DNAI7: variants seen among roughly 807,000 people sequenced by gnomAD.
DNAI7 encodes the protein dynein axonemal intermediate chain 7.
A neutral mutation model predicts 86.6 loss-of-function variants in DNAI7; 78 were observed. The observed-to-expected ratio is 0.90, with a 90% CI of 0.75 to 1.09. DNAI7 has a LOEUF of 1.09. Ranked by LOEUF, DNAI7 falls within the 50% of genes least tolerant of loss-of-function variation. The pLI is 0.00. For missense variants in DNAI7, 753 were observed against 810.2 expected (o/e 0.93, Z 0.86); for synonymous variants, 274 against 273.0 (o/e 1.00, Z -0.04).
intron 2 of DNAI7, among the ~76,000 whole-genome samples, chr12:25,174,749 C>CATATATATATGGAATATATATATCAT (rs1948771539): frequency 1.4e-5 from 2 of 138,670 alleles, no homozygotes; most frequent in Admixed American, 1.5e-4. Flanking sequence ...ATATATATAT[C>CATATATATATGGAATATATATATCAT]ATATATATAT....
chr12:25,108,954 G>A (rs1949522384), intron 15 of DNAI7, 131 bp from the exon 16 acceptor site: 6 of 569,826 alleles, frequency 1.1e-5, no homozygotes, highest in East Asian at 3.0e-5. Context: ...CAGTCTATGT[G>A]TTCCATTACT....
intron 9 of DNAI7, among the ~76,000 whole-genome samples, chr12:25,137,009 A>T (rs181422531): frequency 1.6e-4 from 24 of 152,336 alleles, no homozygotes; most frequent in Admixed American, 1.4e-3. Context: ...AATCAAGGAA[A>T]ACTTCCCTGG....
At chr12:25,194,926 G>A (rs972114617) in intron 1 of DNAI7, 150 bp downstream of exon 1, 4 of 1,614,078 alleles carry the variant, frequency 2.5e-6, no homozygotes, top group Admixed American at 3.3e-5. Flanking sequence ...TTGCTGAGAA[G>A]AGGGCCGACC....
chr12:25,135,143 CTG>C (rs1370647768), intron 9 of DNAI7, among the ~76,000 whole-genome samples: 1 of 152,212 alleles, frequency 6.6e-6, no homozygotes, highest in Non-Finnish European at 1.5e-5. Flanking sequence ...AGCCAAAATA[CTG>C]TGAGTGTCCA....
chr12:25,157,620 T>G (rs1264425697), intron 4 of DNAI7, among the ~76,000 whole-genome samples: 1 of 152,192 alleles, frequency 6.6e-6, no homozygotes, highest in Non-Finnish European at 1.5e-5. Flanking sequence ...TGTCTGTTAA[T>G]GTAAGCAGTT....
chr12:25,171,128 A>G (rs1375289179), intron 2 of DNAI7, among the ~76,000 whole-genome samples: 1 of 152,216 alleles, frequency 6.6e-6, no homozygotes. Flanking sequence ...AACCAAGATC[A>G]GAACAGAATT....
At chr12:25,163,453 C>A (rs1947066504) in intron 2 of DNAI7, among the ~76,000 whole-genome samples, 1 of 152,168 alleles carries the variant, frequency 6.6e-6, no homozygotes, top group Non-Finnish European at 1.5e-5. Context: ...GAGAACAACC[C>A]CTCTTTGACG....
At chr12:25,161,315 C>T (rs753824415) in intron 2 of DNAI7, 118 bp from the exon 3 acceptor site, 7 of 834,794 alleles carry the variant, frequency 8.4e-6, no homozygotes, top group Non-Finnish European at 1.4e-5. Context: ...GCCTTTCATG[C>T]ATTCATTCAA....
intron 7 of DNAI7, among the ~76,000 whole-genome samples, chr12:25,149,265 T>C (rs1337785664): frequency 6.6e-6 from 1 of 152,126 alleles, no homozygotes; most frequent in Non-Finnish European, 1.5e-5. Context: ...CAAATAGAAA[T>C]AGTATTCTAT....
intron 2 of DNAI7, among the ~76,000 whole-genome samples, chr12:25,164,606 T>C (rs1026061462): frequency 2.0e-5 from 3 of 152,140 alleles, no homozygotes; most frequent in African/African-American, 7.2e-5. Context: ...TAAATAATTC[T>C]TGTCACAAAA....
At chr12:25,115,185 C>A (rs1317058695) in intron 12 of DNAI7, among the ~76,000 whole-genome samples, 1 of 152,202 alleles carries the variant, frequency 6.6e-6, no homozygotes, top group East Asian at 1.9e-4. Flanking sequence ...TGTATGTATA[C>A]CTCTGGGCCT....
chr12:25,121,752 C>T lies in DNAI7; in HGVS notation c.1239+1G>A, dbSNP rs754754381. ...AAGTTTTGATTCAAGAATCAACCTA[C>T]TTCCACAATCATCCATCCCTTCACT... On this transcript the variant is annotated splice_donor_variant, in intron 11 of 15. Transcript: ENST00000395987. LOFTEE classifies it high-confidence loss of function. 13 of 1,593,270 alleles carry T rather than the reference C, an allele frequency of 8.2e-6. No homozygotes were observed. Among genetic ancestry groups the T allele is most frequent in the South Asian group, 1.2e-5 (1 of 85,814 alleles).
intron 1 of DNAI7, among the ~76,000 whole-genome samples, chr12:25,192,003 G>A (rs954616082): frequency 2.0e-5 from 3 of 152,190 alleles, no homozygotes; most frequent in African/African-American, 7.2e-5. Context: ...GTGTAAAACT[G>A]AAGTTTAACA....
At chr12:25,108,281 ATAT>A (rs1418005273), downstream of DNAI7, 3 of 557,736 alleles carry the variant, frequency 5.4e-6, no homozygotes, top group African/African-American at 1.9e-5. Context: ...TAAGGAAGAA[ATAT>A]TATATATTGT....
intron 2 of DNAI7, among the ~76,000 whole-genome samples, chr12:25,162,362 ATGC>A (rs1194550060): frequency 1.3e-5 from 2 of 152,226 alleles, no homozygotes; most frequent in African/African-American, 2.4e-5. Flanking sequence ...TTAGTACAAA[ATGC>A]TGGTAGATCA....
chr12:25,152,908 T>G (rs780539637), intron 6 of DNAI7, among the ~76,000 whole-genome samples: 1 of 152,256 alleles, frequency 6.6e-6, no homozygotes, highest in African/African-American at 2.4e-5. Context: ...TAGAATTTCT[T>G]GAGCTTCCTG....
At chr12:25,189,972 T>C (rs1209653914) in intron 2 of DNAI7, among the ~76,000 whole-genome samples, 1 of 128,386 alleles carries the variant, frequency 7.8e-6, no homozygotes, top group Non-Finnish European at 1.6e-5. Flanking sequence ...TGCATAAAAA[T>C]AGGTTGGCAA....
At chr12:25,125,301 T>C (rs1941967379) in intron 9 of DNAI7, among the ~76,000 whole-genome samples, 1 of 152,214 alleles carries the variant, frequency 6.6e-6, no homozygotes, top group South Asian at 2.1e-4. Flanking sequence ...GACTTTTTAG[T>C]AGTAGCCATT....
At position 25,155,300 on chromosome 12, in the gene DNAI7, A is replaced by G. The variant is rs1436862560; in HGVS notation, c.300+11T>C. On this transcript the variant is annotated intron_variant, in intron 5 of 15. Transcript: ENST00000395987. ...CAAAGGTATTAGCTAAAAAAGAGAA[A>G]TCAGTCCTACCTGAGAAAGCAATTT... The G allele has an allele frequency of 1.4e-6, 2 of 1,478,726 alleles. No individual in the cohort carries two copies. Among genetic ancestry groups the G allele is most frequent in the African/African-American group, 2.8e-5 (2 of 72,038 alleles). 91.6% of individuals were successfully genotyped at this position (1,478,726 alleles called of 1,614,324 possible).
Sources: gnomAD v4.1 joint callset for allele counts (sites outside exome capture counted in the v4.1 genomes callset) on GRCh38, gnomAD v4.1.1 for gene constraint, MANE v1.5 for transcripts, NCBI Gene and HGNC (gene_info 2026-07-23, HGNC 2026-07-21) for gene names.